The following PHACTR2 variants were observed in gnomAD, a reference collection of about 807,000 sequenced individuals.
PHACTR2 encodes the protein phosphatase and actin regulator 2.
Under a neutral mutation model 76.0 loss-of-function variants are expected in PHACTR2, and 30 were observed. The ratio of observed to expected loss-of-function variants is 0.39; its 90% CI spans 0.30 to 0.54. PHACTR2 has a LOEUF of 0.54. Among genes scored for constraint, PHACTR2 ranks in the 20% least tolerant of loss-of-function variants. PHACTR2 has a pLI of 0.61. For synonymous variants in PHACTR2, 292 were observed against 292.5 expected (o/e 1.00, Z 0.02); for missense variants, 696 against 781.1 (o/e 0.89, Z 1.30).
rs1263461274 is a variant in PHACTR2 at position 143,738,682 on chromosome 6, G to T, written c.215-10303G>T. Among the ~76,000 whole-genome samples the T allele has an allele frequency of 1.3e-5, 2 of 152,026 alleles. No individual in the cohort carries two copies. The highest frequency in any genetic ancestry group is 2.9e-5 in the Non-Finnish European group (2 of 68,006). On this transcript the variant is annotated intron_variant, in intron 2 of 12. Coordinates refer to ENST00000440869, the MANE Select transcript of PHACTR2 (RefSeq NM_001100164.2). This position sits in a 1 kb window ranked among gnomAD's most constrained non-coding sequence, Gnocchi z 4.0. ...AAGGTGAGAGGATGGCTTGAGCCCGGGAGGCGGAGGCTGCAGTGAGCCAAG... is the reference window on the plus strand; with the variant it reads ...AAGGTGAGAGGATGGCTTGAGCCCGTGAGGCGGAGGCTGCAGTGAGCCAAG...
chr6:143,631,457 G>T (rs1272334784), intron 1 of PHACTR2, among the ~76,000 whole-genome samples: 1 of 152,138 alleles, frequency 6.6e-6, no homozygotes, highest in African/African-American at 2.4e-5. Flanking sequence ...GCCTCCTAAA[G>T]TGTTGGGATT....
In PHACTR2 at chr6:143,776,843, T is replaced by A. The variant is rs1453093964; in HGVS notation, c.1590-485T>A. Reference sequence around the variant, plus strand: ...AAGTCTGCCTGGCAGCCCCATTCCTTCTGTCTTGCTGCTCTCCCATCCCCT... The same window carrying A: ...AAGTCTGCCTGGCAGCCCCATTCCTACTGTCTTGCTGCTCTCCCATCCCCT... On this transcript the variant is annotated intron_variant, in intron 8 of 12. Transcript: ENST00000440869. This position sits in a 1 kb window ranked among gnomAD's most constrained non-coding sequence, Gnocchi z 5.3. Among the ~76,000 whole-genome samples, 1 of 152,222 alleles carries A rather than the reference T, an allele frequency of 6.6e-6. No individual in the cohort carries two copies. Among genetic ancestry groups the A allele is most frequent in the Non-Finnish European group, 1.5e-5 (1 of 68,040 alleles).
At chr6:143,737,479 T>G (rs1778847704) in intron 2 of PHACTR2, among the ~76,000 whole-genome samples, 1 of 152,022 alleles carries the variant, frequency 6.6e-6, no homozygotes, top group African/African-American at 2.4e-5. Flanking sequence ...TTATATATAG[T>G]ATGTATTAAG....
intron 12 of PHACTR2, among the ~76,000 whole-genome samples, chr6:143,817,526 CAT>C (rs1474985589): frequency 6.6e-6 from 1 of 152,102 alleles, no homozygotes; most frequent in Non-Finnish European, 1.5e-5. Context: ...CTCTTCAAGT[CAT>C]TGTGAAAAGT....
At chr6:143,638,013 C>T (rs1394317032) in intron 1 of PHACTR2, among the ~76,000 whole-genome samples, 1 of 152,188 alleles carries the variant, frequency 6.6e-6, no homozygotes, top group African/African-American at 2.4e-5. Context: ...CACCACAAAG[C>T]TTTCATGTCA....
chr6:143,546,872 AAT>A lies in PHACTR2; in HGVS notation c.217+9667_217+9668del, dbSNP rs1775009040. On this transcript the variant is annotated intron_variant, in intron 1 of 11. Coordinates refer to the PHACTR2 transcript ENST00000367584. The surrounding 1 kb of genome is among the most constrained non-coding windows in gnomAD (Gnocchi z 4.9). ...GAGACCCCATCTCAAAAAAAAAAAA[AAT>A]AAAAAATAAAAAATTAGCCAGGTGA... Among the ~76,000 whole-genome samples the A allele has an allele frequency of 6.8e-6, 1 of 146,824 alleles. No individual in the cohort carries two copies. Among genetic ancestry groups the A allele is most frequent in the Non-Finnish European group, 1.5e-5 (1 of 67,128 alleles).
At chr6:143,786,592 C>T (rs1165558164) in intron 10 of PHACTR2, among the ~76,000 whole-genome samples, 2 of 152,176 alleles carry the variant, frequency 1.3e-5, no homozygotes, top group Admixed American at 1.3e-4. Context: ...CTGATAAAGG[C>T]ATACCCTAGA....
intron 2 of PHACTR2, among the ~76,000 whole-genome samples, chr6:143,725,198 CTTTTTTTTTTTTTT>C (rs59963214): frequency 6.5e-5 from 4 of 61,802 alleles, no homozygotes; most frequent in East Asian, 6.1e-4. Flanking sequence ...TTTGTGCTGT[CTTTTTTTTTTTTTT>C]TTTTTTTTTT....
Position 143,760,634 on chromosome 6 carries a change from G to A in PHACTR2, c.688G>A (p.Glu230Lys), listed in dbSNP as rs756627002. The A allele has an allele frequency of 6.2e-7, 1 of 1,613,902 alleles. No individual in the cohort carries two copies. Among genetic ancestry groups the A allele is most frequent in the Non-Finnish European group, 8.5e-7 (1 of 1,179,862 alleles). Residue 230 changes from glutamate to lysine, a missense_variant, in exon 5 of 13, where the codon GAG (glutamate) becomes AAG (lysine). Transcript: ENST00000440869. This position sits in a 1 kb window ranked among gnomAD's most constrained non-coding sequence, Gnocchi z 6.4. ...PKPASRNTTR[E>K]AAGSSHSKKT... ...GCCAGCAAGCCGAAACACGACCCGA[G>A]AGGCTGGTGAGTATGCCCCCAGTGC...
chr6:143,807,158 A>AGGT lies in PHACTR2; in HGVS notation c.1922+25_1922+26insGGT. 1.4e-6 allele frequency: 2 copies of AGGT among 1,409,654 alleles called. No individual in the cohort carries two copies. The highest frequency in any genetic ancestry group is 2.0e-6 in the Non-Finnish European group (2 of 1,003,452). The allele number at this position is 1,409,654 out of a possible 1,614,324, so 87.3% of individuals were successfully genotyped here. ...GGTAGGTGACAAAATGCAGCTTAGAAATTGAAAATGCTTAAGATGTGATCC... is the reference window on the plus strand; with the variant it reads ...GGTAGGTGACAAAATGCAGCTTAGAAGGTATTGAAAATGCTTAAGATGTGATCC... On this transcript the variant is annotated intron_variant, in intron 12 of 12. Coordinates refer to ENST00000440869, the MANE Select transcript of PHACTR2 (RefSeq NM_001100164.2). The surrounding 1 kb of genome is among the most constrained non-coding windows in gnomAD (Gnocchi z 5.5).
rs1467042397 is a variant in PHACTR2 at position 143,656,881 on chromosome 6, T to C, written c.13+48559T>C. On this transcript the variant is annotated intron_variant, in intron 1 of 11. Coordinates refer to the PHACTR2 transcript ENST00000305766. This position sits in a 1 kb window ranked among gnomAD's most constrained non-coding sequence, Gnocchi z 5.3. ...AGGTTTCAAATGAACATAGGCTTGA[T>C]TGGCCACACGAAAATTTAAATATTA... Among the ~76,000 whole-genome samples the C allele has an allele frequency of 2.6e-5, 4 of 152,220 alleles. No homozygotes were observed. Among genetic ancestry groups the C allele is most frequent in the Admixed American group, 1.3e-4 (2 of 15,288 alleles).
chr6:143,620,361 C>T (rs761389350), intron 1 of PHACTR2, among the ~76,000 whole-genome samples: 2 of 151,890 alleles, frequency 1.3e-5, no homozygotes, highest in African/African-American at 4.8e-5. Context: ...CCTTGAGCAC[C>T]TGGGTTACTG....
At position 143,820,526 on chromosome 6, in the gene PHACTR2, A is replaced by C. The variant is rs570450414; in HGVS notation, c.1923-3148A>C. On this transcript the variant is annotated intron_variant, in intron 12 of 12. Coordinates refer to ENST00000440869, the MANE Select transcript of PHACTR2 (RefSeq NM_001100164.2). The surrounding 1 kb of genome is among the most constrained non-coding windows in gnomAD (Gnocchi z 4.2). ...GGCAGTTGTTAAATCATAAAGCTCC[A>C]AAATAATCTCCTCTGACTCCATGTC... is the stretch of plus-strand genomic sequence containing the variant. Among the ~76,000 whole-genome samples the C allele has an allele frequency of 3.3e-5, 5 of 152,358 alleles. No individual in the cohort carries two copies. Among genetic ancestry groups the C allele is most frequent in the African/African-American group, 9.6e-5 (4 of 41,578 alleles).
Position 143,646,965 on chromosome 6 carries a change from A to G in PHACTR2, c.13+38643A>G, listed in dbSNP as rs1050480812. ...CATTTCTTAAGTGCCCAGTGAGGTA[A>G]GCCTTGCTTCTAAAGAATTTTAAAA... On this transcript the variant is annotated intron_variant, in intron 1 of 11. Coordinates refer to the PHACTR2 transcript ENST00000305766. This position sits in a 1 kb window ranked among gnomAD's most constrained non-coding sequence, Gnocchi z 4.1. 1.3e-5 allele frequency among the ~76,000 whole-genome samples: 2 copies of G among 152,208 alleles called. No homozygotes were observed. Among genetic ancestry groups the G allele is most frequent in the Non-Finnish European group, 2.9e-5 (2 of 68,026 alleles).
rs1216851292 is a variant in PHACTR2, at chr6:143,591,559, C to G, written c.217+54352C>G. Reference sequence around the variant, plus strand: ...GCATGAACACAGCCCAGAGAGGCCGCAGACCTGAGGCTGCTGTGAGTTCAG... The same window carrying G: ...GCATGAACACAGCCCAGAGAGGCCGGAGACCTGAGGCTGCTGTGAGTTCAG... On this transcript the variant is annotated intron_variant, in intron 1 of 11. Transcript: ENST00000367584. The surrounding 1 kb of genome is among the most constrained non-coding windows in gnomAD (Gnocchi z 6.4). Among the ~76,000 whole-genome samples the G allele has an allele frequency of 6.6e-6, 1 of 152,204 alleles. No homozygotes were observed. Among genetic ancestry groups the G allele is most frequent in the East Asian group, 1.9e-4 (1 of 5,198 alleles).
chr6:143,655,138 CA>C (rs1461176352), intron 1 of PHACTR2, among the ~76,000 whole-genome samples: 3 of 94,292 alleles, frequency 3.2e-5, no homozygotes, highest in African/African-American at 1.3e-4. Flanking sequence ...GCCTGAGCAA[CA>C]AGAGTGAAAC....
Position 143,537,080 on chromosome 6 carries a change from C to T in PHACTR2, c.90C>T (p.Pro30=). ...TCCCAGTCCCCGAGCCCGAGGCGCC[C>T]GCCCCGCCGGCGGCGCCTGCCCTGC... Residue 30 remains proline (P), a synonymous_variant, in exon 1 of 12, where the codon CCC becomes CCT. Coordinates refer to the PHACTR2 transcript ENST00000367584. The surrounding 1 kb of genome is among the most constrained non-coding windows in gnomAD (Gnocchi z 4.4). 4.8e-6 allele frequency: 1 copy of T among 206,466 alleles called. No homozygotes were observed. The highest frequency in any genetic ancestry group is 9.5e-6 in the Non-Finnish European group (1 of 105,174). The allele number at this position is 206,466 out of a possible 1,614,324, so 12.8% of individuals were successfully genotyped here. A position where few individuals can be genotyped will look rare whatever the true frequency, so the allele number is the denominator to read the frequency against.
intron 1 of PHACTR2, among the ~76,000 whole-genome samples, chr6:143,544,364 C>A (rs915448397): frequency 6.6e-6 from 1 of 151,620 alleles, no homozygotes; most frequent in African/African-American, 2.4e-5. Flanking sequence ...TTGCCATGAC[C>A]CTTACGATAG....
At position 143,760,393 on chromosome 6, in the gene PHACTR2, GT is replaced by G; in HGVS notation, c.455-5del. The G allele has an allele frequency of 1.2e-6, 2 of 1,602,262 alleles. No homozygotes were observed. Among genetic ancestry groups the G allele is most frequent in the Non-Finnish European group, 1.7e-6 (2 of 1,174,016 alleles). The stretch of plus-strand genomic sequence containing the variant: ...TCAGTCTGCTTCTGTTCACTTTCTC[GT>G]TTATAGAGAACACTGAAAACCACTC... On this transcript the variant is annotated splice_region_variant and splice_polypyrimidine_tract_variant and intron_variant, in intron 4 of 12. Coordinates refer to ENST00000440869, the MANE Select transcript of PHACTR2 (RefSeq NM_001100164.2). The surrounding 1 kb of genome is among the most constrained non-coding windows in gnomAD (Gnocchi z 6.4).
Sources: allele counts gnomAD v4.1 joint callset (sites outside exome capture counted in the v4.1 genomes callset), GRCh38; gene constraint gnomAD v4.1.1; non-coding constraint Gnocchi (gnomAD v3.1); transcripts MANE v1.5; gene names NCBI Gene and HGNC (gene_info 2026-07-23, HGNC 2026-07-21).